Variants in NCAPD2 observed in about 807,000 individuals in gnomAD.
The protein encoded by NCAPD2 is non-SMC condensin I complex subunit D2, also known as condensin complex subunit 1.
In NCAPD2, 100 loss-of-function variants were observed where a neutral mutation model predicts 164.5. That is an observed-to-expected ratio of 0.61 (90% CI 0.52 to 0.72). The LOEUF is 0.72. Among genes scored for constraint, NCAPD2 ranks in the 30% least tolerant of loss-of-function variants. NCAPD2 has a pLI of 0.00. For synonymous variants in NCAPD2, 585 were observed against 642.6 expected (o/e 0.91, Z 1.36); for missense variants, 1,560 against 1,749.2 (o/e 0.89, Z 1.93).
intron 2 of NCAPD2, among the ~76,000 whole-genome samples, chr12:6,505,198 C>G (rs1331314544): frequency 6.6e-6 from 1 of 152,140 alleles, no homozygotes; most frequent in Non-Finnish European, 1.5e-5. Flanking sequence ...TCCCAAGTAG[C>G]TGGGATTACA....
chr12:6,497,454 C>A (rs1023188470), intron 2 of NCAPD2, among the ~76,000 whole-genome samples: 1 of 152,108 alleles, frequency 6.6e-6, no homozygotes, highest in Non-Finnish European at 1.5e-5. Flanking sequence ...CCCCTCCCCC[C>A]ATTCCACCCT....
Position 6,526,297 on chromosome 12 carries a change from GCA to G in NCAPD2, c.2493_2494del (p.Lys832ThrfsTer15). The G allele has an allele frequency of 6.2e-7, 1 of 1,614,182 alleles. No homozygotes were observed. Among genetic ancestry groups the G allele is most frequent in the South Asian group, 1.1e-5 (1 of 91,082 alleles). ...TCTTGCTCTCCACAGCCTTCTCTGGGCAAACGTCACCCCCCCTTCCGGCTGCC... is the reference window on the plus strand; with the variant it reads ...TCTTGCTCTCCACAGCCTTCTCTGGGAACGTCACCCCCCCTTCCGGCTGCC... On this transcript the variant is annotated frameshift_variant, in exon 20 of 32. Transcript: ENST00000315579. LOFTEE classifies it high-confidence loss of function.
In NCAPD2 at chr12:6,523,271, C is replaced by G. The variant is rs1328928477; in HGVS notation, c.2139C>G (p.Ala713=). Residue 713 remains alanine (A), a synonymous_variant, in exon 17 of 32, where the codon GCC becomes GCG. Coordinates refer to ENST00000315579, the MANE Select transcript of NCAPD2 (RefSeq NM_014865.4). ...TCTGCTGTTCCCACAGAGCCAAGGC[C>G]CAGGCTTTGATTCAGAATCTCTCTC... ...NPKGDSARAK[A]QALIQNLSLL... is the part of the protein sequence containing the mutation. The G allele has an allele frequency of 1.2e-6, 2 of 1,614,010 alleles. No homozygotes were observed. The highest frequency in any genetic ancestry group is 2.7e-5 in the African/African-American group (2 of 74,898).
At position 6,514,558 on chromosome 12, in the gene NCAPD2, A is replaced by G; in HGVS notation, c.810A>G (p.Gly270=). 6.2e-7 allele frequency: 1 copy of G among 1,614,184 alleles called. No homozygotes were observed. The highest frequency in any genetic ancestry group is 1.1e-5 in the South Asian group (1 of 91,082). ...AAVSLWATDY[G]MKSIVGEIVR... ...TGAGTCTATGGGCAACTGACTATGG[A>G]ATGAAGAGCATAGTGGGAGAGATTG... Residue 270 remains glycine (G), a synonymous_variant, in exon 8 of 32, where the codon GGA becomes GGG. Coordinates refer to ENST00000315579, the MANE Select transcript of NCAPD2 (RefSeq NM_014865.4).
chr12:6,511,095 C>G lies in NCAPD2; in HGVS notation c.445-15C>G, dbSNP rs1204291507. 6.2e-7 allele frequency: 1 copy of G among 1,613,198 alleles called. No individual in the cohort carries two copies. Among genetic ancestry groups the G allele is most frequent in the South Asian group, 1.1e-5 (1 of 90,954 alleles). On this transcript the variant is annotated splice_polypyrimidine_tract_variant and intron_variant, in intron 5 of 31. Transcript: ENST00000315579. Reference sequence around the variant, plus strand: ...TCCCTTATTTTTTCCTCAATGTATACATGATCCTTTTTAGGGTAAGAAAGC... The same window carrying G: ...TCCCTTATTTTTTCCTCAATGTATAGATGATCCTTTTTAGGGTAAGAAAGC...
intron 2 of NCAPD2, among the ~76,000 whole-genome samples, chr12:6,504,220 T>TATATAC (rs1565539620): frequency 1.2e-4 from 3 of 25,358 alleles, no homozygotes; most frequent in African/African-American, 9.7e-4. Flanking sequence ...TATATATAGA[T>TATATAC]ATAGATATAT....
At position 6,528,718 on chromosome 12, in the gene NCAPD2, G is replaced by C. The variant is rs769741690; in HGVS notation, c.3339G>C (p.Gly1113=). 1.2e-6 allele frequency: 2 copies of C among 1,614,004 alleles called. No homozygotes were observed. The highest frequency in any genetic ancestry group is 2.2e-5 in the South Asian group (2 of 91,086). The change falls in exon 26 of 32, where the codon GGG becomes GGC. Residue 1113 remains glycine, a synonymous_variant. Transcript: ENST00000315579. This position sits in a 1 kb window ranked among gnomAD's most constrained non-coding sequence, Gnocchi z 5.1. ...DPAQQVRKTA[G]LVMTHLILKD... is the part of the protein sequence containing the mutation. Reference sequence around the variant, plus strand: ...CTCAGCAAGTGCGGAAAACAGCGGGGCTGGTGATGACCCACCTGATCCTCA... The same window carrying C: ...CTCAGCAAGTGCGGAAAACAGCGGGCCTGGTGATGACCCACCTGATCCTCA...
chr12:6,503,974 T>G (rs1452837254), intron 2 of NCAPD2, among the ~76,000 whole-genome samples: 1 of 151,754 alleles, frequency 6.6e-6, no homozygotes, highest in Non-Finnish European at 1.5e-5. Context: ...CGAGACTCCG[T>G]CTCAAAAATA....
chr12:6,505,983 T>C (rs1326987983), intron 2 of NCAPD2, among the ~76,000 whole-genome samples: 2 of 151,988 alleles, frequency 1.3e-5, no homozygotes, highest in African/African-American at 4.8e-5. Flanking sequence ...TTTTTTTACA[T>C]GGGGTCTCAC....
chr12:6,509,589 G>A, intron 2 of NCAPD2, 128 bp from the exon 3 acceptor site: 2 of 887,440 alleles, frequency 2.3e-6, no homozygotes, highest in Non-Finnish European at 3.7e-6. Flanking sequence ...TTACATTGAA[G>A]TGAACTGTTT....
chr12:6,506,588 TC>T (rs1946101597), intron 2 of NCAPD2, among the ~76,000 whole-genome samples: 1 of 147,874 alleles, frequency 6.8e-6, no homozygotes, highest in Non-Finnish European at 1.5e-5. Flanking sequence ...AGATTCCGTC[TC>T]AAGAAAAAAA....
intron 13 of NCAPD2, among the ~76,000 whole-genome samples, chr12:6,520,195 T>A (rs55929848): frequency 0.19 from 22,853 of 122,142 alleles, 1,951 homozygotes; most frequent in Non-Finnish European, 0.21. Flanking sequence ...AAAAAAAATA[T>A]ATATATATAT....
At chr12:6,497,813 T>G (rs1368689043) in intron 2 of NCAPD2, among the ~76,000 whole-genome samples, 1 of 152,160 alleles carries the variant, frequency 6.6e-6, no homozygotes, top group African/African-American at 2.4e-5. Context: ...GAGACAGGGT[T>G]TCACCATGTT....
At position 6,531,101 on chromosome 12, in the gene NCAPD2, G is replaced by T. The variant is rs10849485; in HGVS notation, c.4120+25G>T. 2 of 1,611,572 alleles carry T rather than the reference G, an allele frequency of 1.2e-6. No homozygotes were observed. Among genetic ancestry groups the T allele is most frequent in the Non-Finnish European group, 1.7e-6 (2 of 1,179,652 alleles). On this transcript the variant is annotated intron_variant, in intron 31 of 31. Transcript: ENST00000315579. This position sits in a 1 kb window ranked among gnomAD's most constrained non-coding sequence, Gnocchi z 4.1. The stretch of plus-strand genomic sequence containing the variant: ...GGTATGATGCTCCCGCCTGTTCCCG[G>T]CCGAGAAGGCACACAGCTAGGGTGC...
At chr12:6,503,726 G>A (rs890316972) in intron 2 of NCAPD2, among the ~76,000 whole-genome samples, 11 of 151,148 alleles carry the variant, frequency 7.3e-5, no homozygotes, top group South Asian at 2.1e-4. Context: ...AGCCGAGATC[G>A]TGCCACTGCA....
Position 6,495,124 on chromosome 12 carries a change from A to G in NCAPD2, c.26A>G (p.His9Arg), listed in dbSNP as rs745475144. The change falls in exon 2 of 32, where the codon CAT becomes CGT. Residue 9 changes from histidine (H) to arginine (R), a missense_variant. Coordinates refer to ENST00000315579, the MANE Select transcript of NCAPD2 (RefSeq NM_014865.4). Reference sequence around the variant, plus strand: ...ATGGCTCCCCAAATGTATGAGTTCCATCTGCCATTATCCCCAGAGGAGTTG... The same window carrying G: ...ATGGCTCCCCAAATGTATGAGTTCCGTCTGCCATTATCCCCAGAGGAGTTG... MAPQMYEF[H>R]LPLSPEELLK... is the part of the protein sequence containing the mutation. The G allele has an allele frequency of 4.3e-6, 7 of 1,614,012 alleles. No individual in the cohort carries two copies. In the African/African-American group the frequency reaches 8.0e-5, roughly 18 times the overall value.
intron 14 of NCAPD2, 62 bp downstream of exon 14, chr12:6,521,172 A>G (rs1349114434): frequency 6.3e-7 from 1 of 1,582,326 alleles, no homozygotes; most frequent in African/African-American, 1.4e-5. Context: ...ACTGAGCATT[A>G]ACTTTATGCC....
chr12:6,495,355 T>C (rs1945969366), intron 2 of NCAPD2, 130 bp downstream of exon 2: 2 of 1,233,472 alleles, frequency 1.6e-6, no homozygotes, highest in Admixed American at 2.7e-5. Context: ...TTTTCCTATT[T>C]TGCTGTTTTA....
At position 6,523,290 on chromosome 12, in the gene NCAPD2, C is replaced by G; in HGVS notation, c.2158C>G (p.Leu720Val). The change falls in exon 17 of 32, where the codon CTC becomes GTC. Residue 720 changes from leucine (L) to valine (V), a missense_variant. Physicochemically the swap from Leu to Val is conservative, Grantham distance 32. Transcript: ENST00000315579. Reference sequence around the variant, plus strand: ...CAAGGCCCAGGCTTTGATTCAGAATCTCTCTCTGCTGCTAGTGGATGCCTC... The same window carrying G: ...CAAGGCCCAGGCTTTGATTCAGAATGTCTCTCTGCTGCTAGTGGATGCCTC... ...RAKAQALIQN[L>V]SLLLVDASVG... 6.2e-7 allele frequency: 1 copy of G among 1,614,074 alleles called. No individual in the cohort carries two copies. Among genetic ancestry groups the G allele is most frequent in the African/African-American group, 1.3e-5 (1 of 75,004 alleles).
Sources: allele counts gnomAD v4.1 joint callset (sites outside exome capture counted in the v4.1 genomes callset), GRCh38; gene constraint gnomAD v4.1.1; non-coding constraint Gnocchi (gnomAD v3.1); transcripts MANE v1.5; gene names NCBI Gene and HGNC (gene_info 2026-07-23, HGNC 2026-07-21).